The following PRTFDC1 variants were observed in gnomAD, a reference collection of about 807,000 sequenced individuals.
PRTFDC1 encodes phosphoribosyl transferase domain containing 1, also known as phosphoribosyltransferase domain-containing protein 1.
In PRTFDC1, 38 loss-of-function variants were observed where a neutral mutation model predicts 34.6. That is an observed-to-expected ratio of 1.10 (90% confidence interval 0.85 to 1.44). The LOEUF (loss-of-function observed/expected upper bound fraction) is 1.44, where lower values mean the gene tolerates loss of function less well. PRTFDC1 is among the 40% of genes most tolerant of loss of function. The probability of loss-of-function intolerance (pLI) is 0.00; values close to 1 mark genes in which losing one functional copy is unlikely to be tolerated. For missense variants in PRTFDC1, 270 were observed against 283.0 expected, an observed-to-expected ratio of 0.95 and a Z score of 0.33; for synonymous variants, 93 against 98.1, an observed-to-expected ratio of 0.95 and a Z score of 0.31.
intron 3 of PRTFDC1, among the ~76,000 whole-genome samples, chr10:24,902,914 G>A (rs967027919): frequency 5.3e-5 from 8 of 152,148 alleles, no homozygotes; most frequent in Admixed American, 3.9e-4. Flanking sequence ...GAAAATATAG[G>A]GGCCAGATGC....
chr10:24,849,940 G>C (rs1317546445), intron 8 of PRTFDC1, 49 bp from the exon 9 acceptor site: 1 of 1,580,132 alleles, frequency 6.3e-7, no homozygotes, highest in South Asian at 1.1e-5. Flanking sequence ...CAAAATATGA[G>C]ACACAGAAAA....
At chr10:24,888,953 T>G (rs1350155082) in intron 3 of PRTFDC1, among the ~76,000 whole-genome samples, 2 of 152,190 alleles carry the variant, frequency 1.3e-5, no homozygotes, top group Non-Finnish European at 2.9e-5. Flanking sequence ...ATTTGATTTC[T>G]CATTTACTTC....
rs1399224313 is a variant in PRTFDC1, at chr10:24,946,222, CACTT to C, written c.49-3790_49-3787del. ...TCCATGTTCAAGAGTTTGGCTCTGACACTTACTACTGTGATGTTAGGGAGATGAC... is the reference window on the plus strand; with the variant it reads ...TCCATGTTCAAGAGTTTGGCTCTGACACTACTGTGATGTTAGGGAGATGAC... On this transcript the variant is annotated intron_variant, in intron 1 of 8. Coordinates refer to ENST00000320152, the MANE Select transcript of PRTFDC1 (RefSeq NM_020200.7). Among the ~76,000 whole-genome samples, 18 of 152,188 alleles carry C rather than the reference CACTT, an allele frequency of 1.2e-4. No individual in the cohort carries two copies. The East Asian group carries it at 3.3e-3, about 28-fold the overall frequency.
intron 3 of PRTFDC1, among the ~76,000 whole-genome samples, chr10:24,884,223 A>G (rs778456685): frequency 1.5e-4 from 23 of 152,088 alleles, no homozygotes; most frequent in African/African-American, 5.1e-4. Context: ...GATTTTTCAA[A>G]AGTAACAACA....
At chr10:24,918,052 G>A (rs1848724018) in intron 3 of PRTFDC1, among the ~76,000 whole-genome samples, 1 of 152,154 alleles carries the variant, frequency 6.6e-6, no homozygotes, top group African/African-American at 2.4e-5. Context: ...CTGGGTGGGA[G>A]GGGAGGAGAG....
chr10:24,926,571 A>G (rs1423558742), intron 3 of PRTFDC1, among the ~76,000 whole-genome samples: 1 of 152,120 alleles, frequency 6.6e-6, no homozygotes, highest in Non-Finnish European at 1.5e-5. Context: ...CTGGTCTCGA[A>G]CTCCGGAGCT....
chr10:24,894,916 C>T (rs7087994), intron 3 of PRTFDC1, among the ~76,000 whole-genome samples: 23,264 of 152,050 alleles, frequency 0.15, 2,448 homozygotes, highest in African/African-American at 0.3. Flanking sequence ...CACTGTCTGG[C>T]CCCACCCGTG....
intron 1 of PRTFDC1, among the ~76,000 whole-genome samples, chr10:24,949,578 A>G (rs1849304073): frequency 6.6e-6 from 1 of 152,164 alleles, no homozygotes; most frequent in Non-Finnish European, 1.5e-5. Flanking sequence ...TAATCTAATT[A>G]TTCCAAGTTC....
At chr10:24,923,790 C>A (rs1848828796) in intron 3 of PRTFDC1, among the ~76,000 whole-genome samples, 1 of 152,100 alleles carries the variant, frequency 6.6e-6, no homozygotes, top group African/African-American at 2.4e-5. Context: ...CAAAACTGGA[C>A]AGAGAATGAG....
At chr10:24,893,551 C>A (rs1393765757) in intron 3 of PRTFDC1, among the ~76,000 whole-genome samples, 2 of 152,178 alleles carry the variant, frequency 1.3e-5, no homozygotes, top group Non-Finnish European at 2.9e-5. Flanking sequence ...CTCAAGTGAT[C>A]CTCCTGCCTT....
chr10:24,916,001 A>C (rs993552927), intron 3 of PRTFDC1, among the ~76,000 whole-genome samples: 1 of 152,136 alleles, frequency 6.6e-6, no homozygotes, highest in African/African-American at 2.4e-5. Context: ...TTAGGAGGAA[A>C]AATATTCCAA....
chr10:24,855,459 A>G, intron 6 of PRTFDC1, 95 bp from the exon 7 acceptor site: 1 of 1,470,756 alleles, frequency 6.8e-7, no homozygotes, highest in Non-Finnish European at 9.5e-7. Context: ...CTTGAAATAC[A>G]TATTTTGCTA....
Position 24,952,563 on chromosome 10 carries a change from T to C in PRTFDC1, c.13A>G (p.Ser5Gly). The C allele has an allele frequency of 6.3e-7, 1 of 1,590,760 alleles. No individual in the cohort carries two copies. The highest frequency in any genetic ancestry group is 1.8e-5 in the Admixed American group (1 of 57,070). Residue 5 changes from serine (S) to glycine (G), a missense_variant, in exon 1 of 9, where the codon AGC becomes GGC. Physicochemically the swap from Ser to Gly is moderately conservative, Grantham distance 56. Coordinates refer to ENST00000320152, the MANE Select transcript of PRTFDC1 (RefSeq NM_020200.7). This position sits in a 1 kb window ranked among gnomAD's most constrained non-coding sequence, Gnocchi z 5.1. Reference protein sequence around the residue: MAGSSEEAPDYGRGV... With the variant: MAGSGEEAPDYGRGV... ...CGCCCGTAGTCTGGCGCCTCCTCGC[T>C]GCTCCCGGCCATGTTTCTCCCGGGG... is the stretch of plus-strand genomic sequence containing the variant.
chr10:24,870,134 G>C (rs914344090), intron 4 of PRTFDC1, among the ~76,000 whole-genome samples: 1 of 152,186 alleles, frequency 6.6e-6, no homozygotes, highest in African/African-American at 2.4e-5. Flanking sequence ...TTAAGGGACA[G>C]AGTCTTGTTC....
At chr10:24,900,984 A>G (rs1848440853) in intron 3 of PRTFDC1, among the ~76,000 whole-genome samples, 1 of 152,238 alleles carries the variant, frequency 6.6e-6, no homozygotes, top group Non-Finnish European at 1.5e-5. Flanking sequence ...GGGTCTGAAT[A>G]TGGAACCTGA....
At chr10:24,892,015 T>A (rs79826116) in intron 3 of PRTFDC1, among the ~76,000 whole-genome samples, 2,437 of 152,324 alleles carry the variant, frequency 0.016, 21 homozygotes, top group South Asian at 0.031. Context: ...TCTTCATTCA[T>A]CTGTTGATGC....
intron 3 of PRTFDC1, among the ~76,000 whole-genome samples, chr10:24,895,547 A>T (rs1329998013): frequency 6.6e-6 from 1 of 150,762 alleles, no homozygotes; most frequent in Non-Finnish European, 1.5e-5. Flanking sequence ...CACCACGCCC[A>T]GTCTTCACTT....
intron 4 of PRTFDC1, among the ~76,000 whole-genome samples, chr10:24,860,240 G>A (rs1200708060): frequency 6.6e-6 from 1 of 152,164 alleles, no homozygotes; most frequent in Admixed American, 6.5e-5. Flanking sequence ...AATTAGCTGG[G>A]TGTGGTGGTA....
chr10:24,855,739 G>A (rs747537341), intron 6 of PRTFDC1, among the ~76,000 whole-genome samples: 71 of 152,162 alleles, frequency 4.7e-4, no homozygotes, highest in Non-Finnish European at 1.8e-4. Context: ...AGGCTGCAGT[G>A]AGCCTTGATT....
Sources: gnomAD v4.1 joint callset for allele counts (sites outside exome capture counted in the v4.1 genomes callset) on GRCh38, gnomAD v4.1.1 for gene constraint, Gnocchi (gnomAD v3.1) non-coding constraint, MANE v1.5 for transcripts, NCBI Gene and HGNC (gene_info 2026-07-23, HGNC 2026-07-21) for gene names.